The following STXBP4 variants were observed in gnomAD, a reference collection of about 807,000 sequenced individuals.
STXBP4 encodes syntaxin-binding protein 4.
In STXBP4, 55 loss-of-function variants were observed where a neutral mutation model predicts 76.1. The observed-to-expected ratio is 0.72, with a 90% CI of 0.58 to 0.91. The LOEUF is 0.91. Ranked by LOEUF, STXBP4 falls within the 40% of genes least tolerant of loss-of-function variation. The pLI is 0.00. For synonymous variants in STXBP4, 201 were observed against 220.2 expected, an observed-to-expected ratio of 0.91 and a Z score of 0.77; for missense variants, 618 against 636.9, an observed-to-expected ratio of 0.97 and a Z score of 0.32.
the STXBP4 span, among the ~76,000 whole-genome samples, chr17:55,200,467 T>C: frequency 6.6e-6 from 1 of 152,220 alleles, no homozygotes; most frequent in African/African-American, 2.4e-5. Context: ...ACATTCTCAC[T>C]CACAAAGCAA....
intron 16 of STXBP4, among the ~76,000 whole-genome samples, chr17:55,102,808 T>C (rs1315887090): frequency 2.6e-5 from 4 of 152,232 alleles, no homozygotes; most frequent in Non-Finnish European, 5.9e-5. Flanking sequence ...GACTTTTTAA[T>C]GATTGCCATT....
intron 16 of STXBP4, among the ~76,000 whole-genome samples, chr17:55,099,555 C>G (rs2079538523): frequency 6.6e-6 from 1 of 152,078 alleles, no homozygotes; most frequent in South Asian, 2.1e-4. Flanking sequence ...AAAGGTACAG[C>G]AAAAATACAG....
the STXBP4 span, among the ~76,000 whole-genome samples, chr17:55,197,331 A>G: frequency 6.6e-6 from 1 of 152,252 alleles, no homozygotes; most frequent in Non-Finnish European, 1.5e-5. Flanking sequence ...TGGGAAATTT[A>G]CTACTTTACC....
Position 55,028,731 on chromosome 17 carries a change from A to T in STXBP4, c.667-2437A>T, listed in dbSNP as rs1181392712. Among the ~76,000 whole-genome samples the T allele has an allele frequency of 3.3e-5, 5 of 152,330 alleles. No individual in the cohort carries two copies. In the East Asian group the frequency reaches 9.6e-4, roughly 29 times the overall value. On this transcript the variant is annotated intron_variant, in intron 8 of 17. Coordinates refer to ENST00000376352, the MANE Select transcript of STXBP4 (RefSeq NM_178509.6). The stretch of plus-strand genomic sequence containing the variant: ...AACATTGCTAATAAACATGTAAATG[A>T]TGTTTAATTGCACTTGTAATTAGGG...
intron 9 of STXBP4, among the ~76,000 whole-genome samples, chr17:55,031,476 C>T (rs1233344323): frequency 1.3e-5 from 2 of 152,170 alleles, no homozygotes; most frequent in Non-Finnish European, 2.9e-5. Context: ...TAGGACCTTT[C>T]AGCTCTAAAA....
At chr17:54,984,339 CTTT>C (rs60222961) in intron 1 of STXBP4, among the ~76,000 whole-genome samples, 5 of 81,202 alleles carry the variant, frequency 6.2e-5, no homozygotes, top group Non-Finnish European at 8.6e-5. Context: ...TTTCTTTTTT[CTTT>C]TTTTTTTTTT....
chr17:55,095,170 T>A (rs564304425), intron 16 of STXBP4, among the ~76,000 whole-genome samples: 1 of 152,310 alleles, frequency 6.6e-6, no homozygotes, highest in African/African-American at 2.4e-5. Context: ...TTAAATGGTT[T>A]CAAGCACAAA....
At chr17:55,060,060 A>G (rs2078976070) in intron 12 of STXBP4, among the ~76,000 whole-genome samples, 1 of 152,100 alleles carries the variant, frequency 6.6e-6, no homozygotes, top group Non-Finnish European at 1.5e-5. Context: ...AAAAATAATT[A>G]AAAATACATG....
chr17:55,168,566 A>G lies in STXBP4; in HGVS notation c.*8655A>G, dbSNP rs1204130037. 1.3e-5 allele frequency: 2 copies of G among 152,224 alleles called. No individual in the cohort carries two copies. Among genetic ancestry groups the G allele is most frequent in the African/African-American group, 2.4e-5 (1 of 41,460 alleles). The allele number at this position is 152,224 out of a possible 1,614,324, so 9.4% of individuals were successfully genotyped here. Reference sequence around the variant, plus strand: ...TTAGTAGTTAGAATTTTTATCTTATACGCCTTTAAGTAAATACAAGAGAAC... The same window carrying G: ...TTAGTAGTTAGAATTTTTATCTTATGCGCCTTTAAGTAAATACAAGAGAAC... On this transcript the variant is annotated 3_prime_UTR_variant, in exon 18 of 18. Transcript: ENST00000376352.
intron 16 of STXBP4, among the ~76,000 whole-genome samples, chr17:55,140,937 G>C (rs2080088226): frequency 1.3e-5 from 2 of 152,190 alleles, no homozygotes; most frequent in South Asian, 4.1e-4. Context: ...GCCAATTAAA[G>C]AAACTTTGAG....
At chr17:55,189,040 T>G in the STXBP4 span, among the ~76,000 whole-genome samples, 1 of 152,170 alleles carries the variant, frequency 6.6e-6, no homozygotes, top group South Asian at 2.1e-4. Flanking sequence ...TCTGAGTCCC[T>G]CAAGCAGATG....
intron 1 of STXBP4, among the ~76,000 whole-genome samples, chr17:54,975,395 T>C (rs2077458382): frequency 6.6e-6 from 1 of 152,162 alleles, no homozygotes; most frequent in South Asian, 2.1e-4. Flanking sequence ...CTGGTCAAGA[T>C]GTAAATAGAT....
At chr17:55,127,672 C>T (rs917922532) in intron 16 of STXBP4, among the ~76,000 whole-genome samples, 10 of 152,124 alleles carry the variant, frequency 6.6e-5, no homozygotes, top group African/African-American at 2.4e-4. Context: ...AAATAACCCT[C>T]TATGAAGGTG....
chr17:55,143,132 G>A (rs1315794980), intron 17 of STXBP4, among the ~76,000 whole-genome samples: 1 of 152,186 alleles, frequency 6.6e-6, no homozygotes, highest in Non-Finnish European at 1.5e-5. Context: ...TATGCTAGGT[G>A]TATTTCTCTA....
rs190918543 is a variant in STXBP4 at position 55,170,911 on chromosome 17, G to A, written c.*11000G>A. 2 of 152,130 alleles carry A rather than the reference G, an allele frequency of 1.3e-5. No individual in the cohort carries two copies. Among genetic ancestry groups the A allele is most frequent in the African/African-American group, 4.8e-5 (2 of 41,404 alleles). The allele number at this position is 152,130 out of a possible 1,614,324, so 9.4% of individuals were successfully genotyped here. A position where few individuals can be genotyped will look rare whatever the true frequency, so the allele number is the denominator to read the frequency against. The stretch of plus-strand genomic sequence containing the variant: ...TGATATTTATGTTTTCATTGTCTGG[G>A]GAGGGCCAAGTTTCATGACAGAGAA... On this transcript the variant is annotated 3_prime_UTR_variant, in exon 18 of 18. Coordinates refer to ENST00000376352, the MANE Select transcript of STXBP4 (RefSeq NM_178509.6).
chr17:55,048,014 A>AC (rs1291511429), intron 12 of STXBP4, among the ~76,000 whole-genome samples: 1 of 151,570 alleles, frequency 6.6e-6, no homozygotes, highest in Non-Finnish European at 1.5e-5. Context: ...AAACAAAATC[A>AC]CCCCCAGAAA....
chr17:55,173,965 C>T (rs2080419313), downstream of STXBP4, among the ~76,000 whole-genome samples: 1 of 152,142 alleles, frequency 6.6e-6, no homozygotes, highest in Admixed American at 6.5e-5. Context: ...AAGTCCAGTC[C>T]CTTCATGTAC....
intron 11 of STXBP4, among the ~76,000 whole-genome samples, 168 bp from the exon 12 acceptor site, chr17:55,046,921 A>G (rs1006264549): frequency 1.3e-5 from 2 of 151,986 alleles, no homozygotes; most frequent in African/African-American, 4.8e-5. Flanking sequence ...GTAAATAACT[A>G]ATTACTTTTA....
At position 55,006,475 on chromosome 17, in the gene STXBP4, G is replaced by A. The variant is rs561161654; in HGVS notation, c.575-1031G>A. ...ATTTAAAAGTGTATTTAGAATAGTG[G>A]CAATTTAGATAGTAAGATCAATATG... On this transcript the variant is annotated intron_variant, in intron 7 of 17. Transcript: ENST00000376352. Among the ~76,000 whole-genome samples the A allele has an allele frequency of 3.3e-5, 5 of 152,226 alleles. No homozygotes were observed. In the East Asian group the frequency reaches 7.7e-4, roughly 24 times the overall value.
Sources: allele counts gnomAD v4.1 joint callset (sites outside exome capture counted in the v4.1 genomes callset), GRCh38; gene constraint gnomAD v4.1.1; transcripts MANE v1.5; gene names NCBI Gene and HGNC (gene_info 2026-07-23, HGNC 2026-07-21).